The following RANBP17 variants were observed in gnomAD, a reference collection of about 807,000 sequenced individuals.
The protein encoded by RANBP17 is RAN binding protein 17.
In RANBP17, 158 loss-of-function variants were observed where a neutral mutation model predicts 141.2. The ratio of observed to expected loss-of-function variants is 1.12; its 90% CI spans 0.98 to 1.28. The LOEUF (loss-of-function observed/expected upper bound fraction) is 1.28. Among genes scored for constraint, RANBP17 ranks in the 50% most tolerant of loss-of-function variants. The probability of loss-of-function intolerance (pLI) is 0.00; values close to 1 mark genes in which losing one functional copy is unlikely to be tolerated. For synonymous variants in RANBP17, 430 were observed against 450.0 expected, an observed-to-expected ratio of 0.96 and a Z score of 0.56; for missense variants, 1,438 against 1,290.7, an observed-to-expected ratio of 1.11 and a Z score of -1.75.
chr5:171,044,878 T>C (rs1200097447), intron 14 of RANBP17, among the ~76,000 whole-genome samples: 1 of 152,078 alleles, frequency 6.6e-6, no homozygotes, highest in Non-Finnish European at 1.5e-5. Flanking sequence ...GAGTCTTTGT[T>C]TTAATTGTGG....
At chr5:171,003,486 A>G (rs192258622) in intron 14 of RANBP17, among the ~76,000 whole-genome samples, 79 of 152,348 alleles carry the variant, frequency 5.2e-4, no homozygotes, top group Non-Finnish European at 9.0e-4. Flanking sequence ...GTCAGACACT[A>G]TCGGCAGGGA....
chr5:171,250,692 C>A (rs1468370565), intron 24 of RANBP17, among the ~76,000 whole-genome samples: 1 of 151,968 alleles, frequency 6.6e-6, no homozygotes, highest in South Asian at 2.1e-4. Flanking sequence ...GAATAGCTAC[C>A]CTTGTATCAG....
chr5:171,114,534 G>C (rs900464559), intron 14 of RANBP17, among the ~76,000 whole-genome samples: 1 of 151,416 alleles, frequency 6.6e-6, no homozygotes, highest in Non-Finnish European at 1.5e-5. Flanking sequence ...TTATATTTCA[G>C]TATATCACTG....
intron 14 of RANBP17, among the ~76,000 whole-genome samples, chr5:171,041,812 A>C (rs1256566706): frequency 6.6e-6 from 1 of 152,046 alleles, no homozygotes; most frequent in Non-Finnish European, 1.5e-5. Flanking sequence ...AATGTGTGCG[A>C]TGGTGGTTTG....
At position 170,924,511 on chromosome 5, in the gene RANBP17, C is replaced by T. The variant is rs756014763; in HGVS notation, c.1429C>T (p.Pro477Ser). 8 of 1,610,982 alleles carry T rather than the reference C, an allele frequency of 5.0e-6. No individual in the cohort carries two copies. The highest frequency in any genetic ancestry group is 2.2e-5 in the South Asian group (2 of 90,844). Residue 477 changes from proline to serine, a missense_variant, in exon 12 of 28, where the codon CCA (proline) becomes TCA (serine). Coordinates refer to ENST00000523189, the MANE Select transcript of RANBP17 (RefSeq NM_022897.5). The part of the protein sequence containing the change: ...NAQNYQKLLH[P>S]YSGVTVDITI... ...ACAGAATTACCAAAAACTTCTGCAT[C>T]CATATTCTGGTGTAACTGTGGACAT...
At chr5:170,926,439 TATC>T (rs1428351654) in intron 12 of RANBP17, among the ~76,000 whole-genome samples, 1 of 142,600 alleles carries the variant, frequency 7.0e-6, no homozygotes. Flanking sequence ...TTGATTGTTG[TATC>T]ATCATCAGTG....
At chr5:170,896,999 C>A in intron 5 of RANBP17, 1 of 1,101,884 alleles carries the variant, frequency 9.1e-7, no homozygotes, top group Non-Finnish European at 1.3e-6. Context: ...TGGGACCTGG[C>A]ACTAAGGGAG....
intron 14 of RANBP17, among the ~76,000 whole-genome samples, chr5:171,144,906 G>A (rs1391453243): frequency 1.3e-5 from 2 of 152,190 alleles, no homozygotes; most frequent in South Asian, 2.1e-4. Flanking sequence ...TTTCTCTTGA[G>A]TATTCTCGCT....
intron 14 of RANBP17, among the ~76,000 whole-genome samples, chr5:170,972,925 T>C (rs1282721972): frequency 6.6e-6 from 1 of 152,226 alleles, no homozygotes; most frequent in African/African-American, 2.4e-5. Context: ...GCTTAAATTT[T>C]TTTATTGGTT....
At chr5:171,104,083 G>A (rs1383531679) in intron 14 of RANBP17, among the ~76,000 whole-genome samples, 2 of 152,198 alleles carry the variant, frequency 1.3e-5, no homozygotes, top group African/African-American at 4.8e-5. Flanking sequence ...TTTTGCCCAG[G>A]CTGAAGTGCA....
chr5:171,263,789 A>G (rs768425491), intron 24 of RANBP17, among the ~76,000 whole-genome samples: 11 of 152,162 alleles, frequency 7.2e-5, no homozygotes, highest in Non-Finnish European at 1.5e-4. Context: ...TAGCCTGGGC[A>G]TGGTAGCACA....
chr5:171,199,140 C>T, intron 18 of RANBP17, among the ~76,000 whole-genome samples: 1 of 152,020 alleles, frequency 6.6e-6, no homozygotes, highest in African/African-American at 2.4e-5. Context: ...TATTTAAAAT[C>T]CAAATGACCC....
intron 14 of RANBP17, among the ~76,000 whole-genome samples, chr5:171,089,856 T>A (rs1400330596): frequency 6.6e-6 from 1 of 152,194 alleles, no homozygotes. Flanking sequence ...GCGCCCACTG[T>A]CTGGCACTCC....
intron 25 of RANBP17, among the ~76,000 whole-genome samples, chr5:171,285,289 G>A (rs1439224052): frequency 6.6e-6 from 1 of 152,196 alleles, no homozygotes; most frequent in African/African-American, 2.4e-5. Context: ...TGCACACATT[G>A]TTTGCTAGTT....
chr5:171,256,974 A>G (rs991898778), intron 24 of RANBP17, among the ~76,000 whole-genome samples: 1 of 152,104 alleles, frequency 6.6e-6, no homozygotes. Flanking sequence ...CCAGACGTAC[A>G]AACATACAAA....
intron 14 of RANBP17, among the ~76,000 whole-genome samples, chr5:171,160,992 G>A (rs982140361): frequency 2.6e-5 from 4 of 152,038 alleles, no homozygotes; most frequent in African/African-American, 9.7e-5. Flanking sequence ...TAGAAGCAGG[G>A]TTTCACCTTG....
In RANBP17 at chr5:171,197,572, G is replaced by A. The variant is rs776093687; in HGVS notation, c.2039-2098G>A. The stretch of plus-strand genomic sequence containing the variant: ...AAGCTAATCCGAAGATACTATCAGC[G>A]TAAGCTAGTAGAGCTAGTAATTTAC... On this transcript the variant is annotated intron_variant, in intron 18 of 27. Coordinates refer to ENST00000523189, the MANE Select transcript of RANBP17 (RefSeq NM_022897.5). Among the ~76,000 whole-genome samples, 11 of 152,294 alleles carry A rather than the reference G, an allele frequency of 7.2e-5. No homozygotes were observed. In the South Asian group the frequency reaches 8.3e-4, roughly 11 times the overall value.
intron 3 of RANBP17, among the ~76,000 whole-genome samples, chr5:170,889,739 T>G (rs1769445231): frequency 6.6e-6 from 1 of 152,184 alleles, no homozygotes; most frequent in Non-Finnish European, 1.5e-5. Flanking sequence ...CTGACTTTTG[T>G]CTGGGGTTTT....
chr5:171,032,646 A>G (rs1399332864), intron 14 of RANBP17, among the ~76,000 whole-genome samples: 1 of 152,160 alleles, frequency 6.6e-6, no homozygotes, highest in Non-Finnish European at 1.5e-5. Context: ...TCATTTTGAT[A>G]TTATTGCAGT....
Sources: allele counts gnomAD v4.1 joint callset (sites outside exome capture counted in the v4.1 genomes callset), GRCh38; gene constraint gnomAD v4.1.1; transcripts MANE v1.5; gene names NCBI Gene and HGNC (gene_info 2026-07-23, HGNC 2026-07-21).